ARHGAP10: variants seen among roughly 807,000 people sequenced by gnomAD.
The protein encoded by ARHGAP10 is rho GTPase-activating protein 10.
ARHGAP10 carries 87 observed loss-of-function variants against 108.6 expected under a neutral mutation model. The ratio of observed to expected loss-of-function variants is 0.80; its 90% CI spans 0.67 to 0.96. The LOEUF (loss-of-function observed/expected upper bound fraction) is 0.96, where lower values mean the gene tolerates loss of function less well. Among genes scored for constraint, ARHGAP10 ranks in the 40% least tolerant of loss-of-function variants. The pLI is 0.00. For synonymous variants in ARHGAP10, 347 were observed against 341.1 expected, an observed-to-expected ratio of 1.02 and a Z score of -0.19; for missense variants, 939 against 954.5, an observed-to-expected ratio of 0.98 and a Z score of 0.21.
At chr4:147,955,833 GA>G (rs2126984607) in intron 16 of ARHGAP10, among the ~76,000 whole-genome samples, 1 of 152,160 alleles carries the variant, frequency 6.6e-6, no homozygotes, top group African/African-American at 2.4e-5. Context: ...CAGACAGAAG[GA>G]ATATTATGAG....
At chr4:147,925,401 C>A (rs1213138303) in intron 13 of ARHGAP10, among the ~76,000 whole-genome samples, 1 of 151,076 alleles carries the variant, frequency 6.6e-6, no homozygotes, top group East Asian at 2.0e-4. Flanking sequence ...AAAGCAACGG[C>A]CCACTTTTGC....
Position 148,042,516 on chromosome 4 carries a change from C to T in ARHGAP10, c.1868-4376C>T, listed in dbSNP as rs72959761. Among the ~76,000 whole-genome samples, 832 of 152,282 alleles carry T rather than the reference C, an allele frequency of 5.5e-3. 4 individuals are homozygous for T. The highest frequency in any genetic ancestry group is 0.019 in the African/African-American group (795 of 41,560). On this transcript the variant is annotated intron_variant, in intron 19 of 22. Coordinates refer to ENST00000336498, the MANE Select transcript of ARHGAP10 (RefSeq NM_024605.4). The stretch of plus-strand genomic sequence containing the variant: ...TTTTCTTTCAGTTTTGATACTTTCT[C>T]GACCAGAGGCTTTTTCCTTGAAACT...
intron 12 of ARHGAP10, among the ~76,000 whole-genome samples, chr4:147,911,370 CGTT>C (rs1265579293): frequency 4.6e-5 from 7 of 152,002 alleles, no homozygotes; most frequent in African/African-American, 7.2e-5. Context: ...TTGTTGTTGT[CGTT>C]GTTGTTGGAG....
chr4:148,027,122 T>C (rs2149666542), intron 19 of ARHGAP10, among the ~76,000 whole-genome samples: 1 of 152,240 alleles, frequency 6.6e-6, no homozygotes, highest in African/African-American at 2.4e-5. Context: ...GTCTGGGGAG[T>C]CGGGGAGAAG....
intron 13 of ARHGAP10, chr4:147,916,933 C>T (rs1737010139): frequency 6.6e-6 from 1 of 152,186 alleles, no homozygotes; most frequent in Non-Finnish European, 1.5e-5. Context: ...ACATCTGCCT[C>T]CCAGTAATGG....
chr4:147,870,275 A>G (rs1198980825), intron 7 of ARHGAP10, among the ~76,000 whole-genome samples: 1 of 152,020 alleles, frequency 6.6e-6, no homozygotes, highest in African/African-American at 2.4e-5. Context: ...GTTAGTCAGG[A>G]TGGTCTTGAT....
chr4:148,058,010 C>G (rs538857039), intron 20 of ARHGAP10, among the ~76,000 whole-genome samples: 3 of 152,218 alleles, frequency 2.0e-5, no homozygotes, highest in African/African-American at 7.2e-5. Context: ...TGTTGTCCCT[C>G]GGTGTGCTCG....
intron 1 of ARHGAP10, among the ~76,000 whole-genome samples, chr4:147,787,984 A>G (rs914179811): frequency 5.3e-5 from 8 of 152,140 alleles, no homozygotes; most frequent in Admixed American, 2.6e-4. Flanking sequence ...TTAAAACCCA[A>G]ATAGTTCCCG....
At chr4:148,043,736 G>A (rs1157500778) in intron 19 of ARHGAP10, among the ~76,000 whole-genome samples, 1 of 128,996 alleles carries the variant, frequency 7.8e-6, no homozygotes, top group Non-Finnish European at 1.6e-5. Context: ...ATATATATGT[G>A]TATATATATG....
At chr4:148,045,744 A>T (rs1041126701) in intron 19 of ARHGAP10, among the ~76,000 whole-genome samples, 7 of 149,750 alleles carry the variant, frequency 4.7e-5, no homozygotes, top group Non-Finnish European at 1.0e-4. Context: ...ATCTCAAAAA[A>T]AAAAAAAAAA....
chr4:147,909,629 C>T, intron 11 of ARHGAP10, 103 bp from the exon 12 acceptor site: 2 of 973,076 alleles, frequency 2.1e-6, no homozygotes, highest in South Asian at 1.6e-5. Context: ...CAGAATCAAG[C>T]TTATAAAAAT....
intron 19 of ARHGAP10, among the ~76,000 whole-genome samples, chr4:148,030,651 T>A (rs1359032997): frequency 6.6e-6 from 1 of 152,154 alleles, no homozygotes. Context: ...CTTACTGAAT[T>A]CTTACCAGCT....
chr4:148,005,935 C>T (rs1006306640), intron 18 of ARHGAP10, among the ~76,000 whole-genome samples: 1 of 152,194 alleles, frequency 6.6e-6, no homozygotes, highest in Non-Finnish European at 1.5e-5. Context: ...GAAACAAATA[C>T]ATGTATCTCT....
intron 1 of ARHGAP10, among the ~76,000 whole-genome samples, chr4:147,737,319 T>G (rs1728458551): frequency 6.7e-6 from 1 of 149,440 alleles, no homozygotes; most frequent in Admixed American, 6.6e-5. Context: ...CCCAGCTAAT[T>G]TTTGTACTTT....
intron 5 of ARHGAP10, among the ~76,000 whole-genome samples, chr4:147,860,480 G>A (rs1227754115): frequency 6.6e-6 from 1 of 151,918 alleles, no homozygotes; most frequent in South Asian, 2.1e-4. Context: ...AAAACCAGGA[G>A]AAAATTGTGG....
chr4:147,808,440 C>T (rs966223986), intron 1 of ARHGAP10, among the ~76,000 whole-genome samples: 4 of 151,796 alleles, frequency 2.6e-5, no homozygotes, highest in African/African-American at 9.7e-5. Flanking sequence ...GTCTTTCAGG[C>T]TCTAGGAAGG....
Position 147,875,035 on chromosome 4 carries a change from T to G in ARHGAP10, c.717T>G (p.Phe239Leu), listed in dbSNP as rs1735002232. Residue 239 changes from phenylalanine (F) to leucine (L), a missense_variant, in exon 8 of 23, where the codon TTT becomes TTG. By Grantham distance (22) the Phe-to-Leu change is conservative. Transcript: ENST00000336498. ...QINIQNTRNR[F>L]EGTRSEVEEL... ...ATCCATTTCAGACACGGAATCGATT[T>G]GAAGGAACAAGGTCAGAAGTGGAAG... 1.9e-6 allele frequency: 3 copies of G among 1,590,176 alleles called. No individual in the cohort carries two copies. Among genetic ancestry groups the G allele is most frequent in the Non-Finnish European group, 2.6e-6 (3 of 1,173,698 alleles).
chr4:147,998,074 A>G (rs1740549223), intron 18 of ARHGAP10, among the ~76,000 whole-genome samples: 1 of 152,182 alleles, frequency 6.6e-6, no homozygotes, highest in African/African-American at 2.4e-5. Flanking sequence ...AAAAAATGAA[A>G]TAAGCATTCA....
intron 1 of ARHGAP10, among the ~76,000 whole-genome samples, chr4:147,747,372 T>C (rs1375743597): frequency 6.6e-6 from 1 of 152,244 alleles, no homozygotes; most frequent in Non-Finnish European, 1.5e-5. Flanking sequence ...TCTAAAAATA[T>C]CTTCTCTTGC....
Sources: gnomAD v4.1 joint callset for allele counts (sites outside exome capture counted in the v4.1 genomes callset) on GRCh38, gnomAD v4.1.1 for gene constraint, MANE v1.5 for transcripts, NCBI Gene and HGNC (gene_info 2026-07-23, HGNC 2026-07-21) for gene names.